The following PAX5 variants were observed in gnomAD, a reference collection of about 807,000 sequenced individuals.
The protein encoded by PAX5 is paired box protein Pax-5.
In PAX5, 9 loss-of-function variants were observed where a neutral mutation model predicts 43.7. That is an observed-to-expected ratio of 0.21 (90% CI 0.12 to 0.36). The LOEUF is 0.36. Ranked by LOEUF, PAX5 falls within the 10% of genes least tolerant of loss-of-function variation. The pLI is 1.00. For synonymous variants in PAX5, 228 were observed against 214.3 expected (o/e 1.06, Z -0.56); for missense variants, 383 against 532.7 (o/e 0.72, Z 2.77).
intron 7 of PAX5, among the ~76,000 whole-genome samples, chr9:36,910,171 C>A (rs1323786540): frequency 6.6e-6 from 1 of 152,168 alleles, no homozygotes; most frequent in African/African-American, 2.4e-5. Flanking sequence ...AAACACCGCT[C>A]AGTAAAAAGT....
intron 3 of PAX5, among the ~76,000 whole-genome samples, chr9:37,010,665 AT>A (rs775517183): frequency 1.3e-5 from 2 of 152,168 alleles, no homozygotes; most frequent in Non-Finnish European, 2.9e-5. Flanking sequence ...GAAAGAGAAA[AT>A]CATGGTGCCT....
chr9:36,895,751 G>T (rs1174745916), intron 7 of PAX5, among the ~76,000 whole-genome samples: 2 of 152,190 alleles, frequency 1.3e-5, no homozygotes, highest in Non-Finnish European at 2.9e-5. Flanking sequence ...GTGACAGGTT[G>T]GGGGTTTCTA....
chr9:36,913,217 AG>A (rs1387593053), intron 7 of PAX5, among the ~76,000 whole-genome samples: 1 of 152,176 alleles, frequency 6.6e-6, no homozygotes, highest in Non-Finnish European at 1.5e-5. Context: ...GGCAGTGCCC[AG>A]GGGGAGCCTC....
chr9:36,887,246 T>C (rs1160505684), intron 7 of PAX5, among the ~76,000 whole-genome samples: 1 of 152,104 alleles, frequency 6.6e-6, no homozygotes, highest in Non-Finnish European at 1.5e-5. Flanking sequence ...TACCAGCACC[T>C]GAAGAAAAAA....
chr9:36,973,143 A>G (rs991185743), intron 5 of PAX5, among the ~76,000 whole-genome samples: 1 of 94,498 alleles, frequency 1.1e-5, no homozygotes, highest in African/African-American at 3.2e-5. Context: ...AGAAAAGGAA[A>G]GGAAAGGAAA....
chr9:36,859,841 T>C (rs10973108), intron 8 of PAX5, among the ~76,000 whole-genome samples: 21,969 of 152,116 alleles, frequency 0.14, 1,599 homozygotes, highest in Middle Eastern at 0.17. Flanking sequence ...GAGACCATCC[T>C]GGCTAACACG....
chr9:36,905,687 A>T (rs1828762125), intron 7 of PAX5, among the ~76,000 whole-genome samples: 1 of 152,204 alleles, frequency 6.6e-6, no homozygotes. Flanking sequence ...CAGTGGATCA[A>T]CCAGGCTGAG....
intron 6 of PAX5, among the ~76,000 whole-genome samples, chr9:36,965,710 T>C (rs1053077791): frequency 2.6e-5 from 4 of 152,120 alleles, no homozygotes; most frequent in Non-Finnish European, 4.4e-5. Flanking sequence ...CCGAGGAAAG[T>C]TGTTGTCTGT....
chr9:36,995,571 G>T (rs1423935797), intron 5 of PAX5, among the ~76,000 whole-genome samples: 2 of 152,134 alleles, frequency 1.3e-5, no homozygotes, highest in African/African-American at 4.8e-5. Context: ...GGAAAGGAGG[G>T]AGAGGAAAAC....
At chr9:36,909,916 G>A (rs182372295) in intron 7 of PAX5, among the ~76,000 whole-genome samples, 1 of 143,804 alleles carries the variant, frequency 7.0e-6, no homozygotes, top group African/African-American at 2.7e-5. Context: ...TGACCTCCTG[G>A]GCTCAGGTGA....
chr9:37,009,848 A>T (rs1177813200), intron 3 of PAX5, among the ~76,000 whole-genome samples: 1 of 152,136 alleles, frequency 6.6e-6, no homozygotes, highest in African/African-American at 2.4e-5. Flanking sequence ...AATAATAATA[A>T]TAATAAAGCA....
At chr9:36,891,988 G>A (rs1827433840) in intron 7 of PAX5, among the ~76,000 whole-genome samples, 1 of 152,198 alleles carries the variant, frequency 6.6e-6, no homozygotes, top group South Asian at 2.1e-4. Flanking sequence ...AATTTTGGAA[G>A]CGTGTTTGAA....
chr9:36,960,377 ACACAGGAGCAGCCCAGC>A (rs1833861921), intron 6 of PAX5, among the ~76,000 whole-genome samples: 1 of 152,098 alleles, frequency 6.6e-6, no homozygotes, highest in Non-Finnish European at 1.5e-5. Context: ...GCCCCCTTGG[ACACAGGAGCAGCCCAGC>A]CTGTGTGGGC....
At chr9:36,955,792 T>TATATACCCACACACAC (rs1833414258) in intron 6 of PAX5, among the ~76,000 whole-genome samples, 1 of 145,998 alleles carries the variant, frequency 6.8e-6, no homozygotes, top group African/African-American at 2.6e-5. Flanking sequence ...AATATATATA[T>TATATACCCACACACAC]ATATATATAT....
intron 6 of PAX5, among the ~76,000 whole-genome samples, chr9:36,925,635 C>T (rs182744137): frequency 6.6e-6 from 1 of 152,262 alleles, no homozygotes; most frequent in East Asian, 1.9e-4. Context: ...ATCTTCACAC[C>T]AGACACAAAA....
intron 3 of PAX5, among the ~76,000 whole-genome samples, chr9:37,010,717 C>T (rs577778694): frequency 1.7e-3 from 260 of 152,294 alleles, no homozygotes; most frequent in Middle Eastern, 3.4e-3. Context: ...GAAACACCCA[C>T]ATCTATGGCA....
intron 2 of PAX5, among the ~76,000 whole-genome samples, chr9:37,017,279 T>A (rs1839463451): frequency 1.3e-5 from 2 of 152,312 alleles, no homozygotes; most frequent in Admixed American, 1.3e-4. Flanking sequence ...CCACAGGGAT[T>A]TATAGAAGGA....
chr9:36,927,712 CT>C (rs113477748), intron 6 of PAX5, among the ~76,000 whole-genome samples: 100 of 142,012 alleles, frequency 7.0e-4, no homozygotes, highest in African/African-American at 7.0e-4. Flanking sequence ...TTTTCTTTTT[CT>C]TTTTTTTTTT....
intron 7 of PAX5, among the ~76,000 whole-genome samples, chr9:36,907,508 T>A (rs1008253124): frequency 2.6e-5 from 4 of 152,134 alleles, no homozygotes; most frequent in Non-Finnish European, 5.9e-5. Flanking sequence ...CTTGGGCCTG[T>A]TCACCTCTGT....
Sources: allele counts gnomAD v4.1 joint callset (sites outside exome capture counted in the v4.1 genomes callset), GRCh38; gene constraint gnomAD v4.1.1; transcripts MANE v1.5; gene names NCBI Gene and HGNC (gene_info 2026-07-23, HGNC 2026-07-21).